SCUBE1: variants seen among roughly 807,000 people sequenced by gnomAD.
SCUBE1 encodes the protein signal peptide, CUB and EGF-like domain-containing protein 1.
Under a neutral mutation model 124.4 loss-of-function variants are expected in SCUBE1, and 59 were observed. That is an observed-to-expected ratio of 0.47 (90% CI 0.38 to 0.59). The LOEUF is 0.59. SCUBE1 is among the 20% of genes least tolerant of loss of function. The pLI is 0.00. For synonymous variants in SCUBE1, 545 were observed against 550.9 expected (o/e 0.99, Z 0.15); for missense variants, 1,150 against 1,371.2 (o/e 0.84, Z 2.55).
chr22:43,341,498 G>T (rs1010223541), intron 1 of SCUBE1, among the ~76,000 whole-genome samples: 1 of 152,324 alleles, frequency 6.6e-6, no homozygotes, highest in African/African-American at 2.4e-5. Context: ...AGGGGTGGGA[G>T]CCCCTTGTGC....
intron 2 of SCUBE1, among the ~76,000 whole-genome samples, chr22:43,328,968 G>A (rs1233931874): frequency 6.6e-6 from 1 of 152,202 alleles, no homozygotes; most frequent in African/African-American, 2.4e-5. Context: ...ATTTGAACCT[G>A]GGCAGGCTGG....
intron 4 of SCUBE1, among the ~76,000 whole-genome samples, chr22:43,288,394 T>C (rs1401766126): frequency 1.3e-5 from 2 of 152,162 alleles, no homozygotes; most frequent in African/African-American, 4.8e-5. Context: ...TTCCTACCTC[T>C]GCTCAACCAG....
At chr22:43,267,973 C>T (rs556677826) in intron 4 of SCUBE1, among the ~76,000 whole-genome samples, 1 of 152,320 alleles carries the variant, frequency 6.6e-6, no homozygotes, top group East Asian at 1.9e-4. Context: ...TAGGGATGGG[C>T]CTGGGCTCCA....
intron 6 of SCUBE1, among the ~76,000 whole-genome samples, chr22:43,249,188 C>CAG (rs1018343877): frequency 6.6e-6 from 1 of 152,000 alleles, no homozygotes; most frequent in African/African-American, 2.4e-5. Context: ...GAGGAACAGG[C>CAG]AGAGGGTGGC....
chr22:43,305,555 G>A lies in SCUBE1; in HGVS notation c.350-14375C>T, dbSNP rs1184661844. ...TGCAGAGGCCCAGAGGGCATGAGGA[G>A]CCGGGGGACAGGCTTAATATTTAGT... On this transcript the variant is annotated intron_variant, in intron 3 of 21. Coordinates refer to ENST00000360835, the MANE Select transcript of SCUBE1 (RefSeq NM_173050.5). Among the ~76,000 whole-genome samples the A allele has an allele frequency of 3.3e-5, 5 of 152,192 alleles. No individual in the cohort carries two copies. In the South Asian group the frequency reaches 6.2e-4, roughly 19 times the overall value.
At position 43,214,284 on chromosome 22, in the gene SCUBE1, C is replaced by T. The variant is rs1165378253; in HGVS notation, c.1892-33G>A. On this transcript the variant is annotated intron_variant, in intron 15 of 21. Transcript: ENST00000360835. ...GGCAAAGCGGAGAGGCTGCTGGAGG[C>T]AGAGGTGGGGAGGCCAGGGGTGTCT... is the stretch of plus-strand genomic sequence containing the variant. 1.6e-5 allele frequency: 26 copies of T among 1,598,298 alleles called. No individual in the cohort carries two copies. In the East Asian group the frequency reaches 5.6e-4, roughly 34 times the overall value.
At position 43,231,977 on chromosome 22, in the gene SCUBE1, A is replaced by G. The variant is rs1420547887; in HGVS notation, c.845-102T>C. 5 of 1,417,956 alleles carry G rather than the reference A, an allele frequency of 3.5e-6. No individual in the cohort carries two copies. In the African/African-American group the frequency reaches 5.7e-5, roughly 16 times the overall value. The allele number at this position is 1,417,956 out of a possible 1,614,324, so 87.8% of individuals were successfully genotyped here. A position where few individuals can be genotyped will look rare whatever the true frequency, so the allele number is the denominator to read the frequency against. The stretch of plus-strand genomic sequence containing the variant: ...AGCGGCAGGGGATGACACTGCCCTG[A>G]GTTGCCTGGTGCCCACTTCCCAAGC... On this transcript the variant is annotated intron_variant, in intron 7 of 21. Coordinates refer to ENST00000360835, the MANE Select transcript of SCUBE1 (RefSeq NM_173050.5).
At chr22:43,308,758 C>T (rs925073281) in intron 3 of SCUBE1, among the ~76,000 whole-genome samples, 4 of 152,220 alleles carry the variant, frequency 2.6e-5, no homozygotes, top group Non-Finnish European at 1.5e-5. Context: ...CCCCGAGGGC[C>T]CCTCCTACTC....
chr22:43,343,218 G>A lies in SCUBE1; in HGVS notation c.44C>T (p.Ala15Val). 1 of 1,217,338 alleles carries A rather than the reference G, an allele frequency of 8.2e-7. No homozygotes were observed. Among genetic ancestry groups the A allele is most frequent in the Admixed American group, 3.6e-5 (1 of 27,892 alleles). 75.4% of individuals were successfully genotyped at this position (1,217,338 alleles called of 1,614,324 possible). ...GGCCAGCCGCCCGCGTGTGCCCAGG[G>A]CCAGCAGCACGCACAAGTGCCAGCG... ...AVRWHLCVLLALGTRGRLAGG... is the reference protein window; with the variant it reads ...AVRWHLCVLLVLGTRGRLAGG... Residue 15 changes from alanine (A) to valine (V), a missense_variant, in exon 1 of 22, where the codon GCC becomes GTC. Physicochemically the swap from Ala to Val is moderately conservative, Grantham distance 64. Coordinates refer to ENST00000360835, the MANE Select transcript of SCUBE1 (RefSeq NM_173050.5).
intron 3 of SCUBE1, among the ~76,000 whole-genome samples, chr22:43,309,416 C>T (rs1000950036): frequency 1.6e-4 from 24 of 152,250 alleles, no homozygotes; most frequent in Admixed American, 7.8e-4. Context: ...CCAGGCAGAT[C>T]GATTTCTGAT....
chr22:43,313,439 C>A (rs1926238553), intron 3 of SCUBE1, among the ~76,000 whole-genome samples: 1 of 152,146 alleles, frequency 6.6e-6, no homozygotes, highest in Non-Finnish European at 1.5e-5. Flanking sequence ...GAAAGAGGAG[C>A]CTTGCTTTGT....
At chr22:43,278,163 C>T (rs753766061) in intron 4 of SCUBE1, among the ~76,000 whole-genome samples, 15 of 152,236 alleles carry the variant, frequency 9.9e-5, no homozygotes, top group Non-Finnish European at 2.1e-4. Flanking sequence ...AGGGCCATTC[C>T]GGACCGCACA....
chr22:43,218,811 T>A (rs1297566850), intron 14 of SCUBE1, among the ~76,000 whole-genome samples: 1 of 152,256 alleles, frequency 6.6e-6, no homozygotes, highest in Non-Finnish European at 1.5e-5. Flanking sequence ...TCCAGCTCTC[T>A]GGCCTTGAAT....
intron 1 of SCUBE1, among the ~76,000 whole-genome samples, chr22:43,341,410 T>C (rs1041555125): frequency 1.3e-5 from 2 of 152,184 alleles, no homozygotes; most frequent in African/African-American, 4.8e-5. Flanking sequence ...CTGGGGTCAC[T>C]TATGAGACAG....
At chr22:43,231,949 G>GC in intron 7 of SCUBE1, 74 bp from the exon 8 acceptor site, 1 of 1,575,098 alleles carries the variant, frequency 6.3e-7, no homozygotes, top group Non-Finnish European at 8.7e-7. Flanking sequence ...GGGACGGCAG[G>GC]CTAGCGGCAG....
At chr22:43,242,171 C>T (rs1036822271) in intron 6 of SCUBE1, among the ~76,000 whole-genome samples, 6 of 152,242 alleles carry the variant, frequency 3.9e-5, no homozygotes, top group East Asian at 1.9e-4. Context: ...GACAGGCGGG[C>T]CTGGTGGGGC....
At chr22:43,218,208 A>G (rs754172036) in intron 15 of SCUBE1, 47 bp downstream of exon 15, 1 of 1,583,050 alleles carries the variant, frequency 6.3e-7, no homozygotes, top group East Asian at 2.2e-5. Flanking sequence ...GCTCATGTGC[A>G]AGGAAGGACA....
In SCUBE1 at chr22:43,222,378, T is replaced by C. The variant is rs554240752; in HGVS notation, c.1432+260A>G. The stretch of plus-strand genomic sequence containing the variant: ...TCTGTGCACTCACAGCACGTTAGAG[T>C]CCCTGAACCACTCTGGCTGTGACCT... On this transcript the variant is annotated intron_variant, in intron 12 of 21. Transcript: ENST00000360835. 3.3e-5 allele frequency among the ~76,000 whole-genome samples: 5 copies of C among 152,102 alleles called. No homozygotes were observed. The East Asian group carries it at 9.7e-4, about 29-fold the overall frequency.
At chr22:43,244,505 T>C (rs1000948257) in intron 6 of SCUBE1, among the ~76,000 whole-genome samples, 13 of 152,206 alleles carry the variant, frequency 8.5e-5, no homozygotes, top group Non-Finnish European at 1.6e-4. Context: ...CTACCCTCTG[T>C]TGGGCCTGGA....
Sources: gnomAD v4.1 joint callset for allele counts (sites outside exome capture counted in the v4.1 genomes callset) on GRCh38, gnomAD v4.1.1 for gene constraint, MANE v1.5 for transcripts, NCBI Gene and HGNC (gene_info 2026-07-23, HGNC 2026-07-21) for gene names.